The following SLC16A7 variants were observed in gnomAD, a reference collection of about 807,000 sequenced individuals.
SLC16A7 encodes monocarboxylate transporter 2.
A neutral mutation model predicts 34.9 loss-of-function variants in SLC16A7; 33 were observed. The observed-to-expected ratio is 0.94, with a 90% confidence interval of 0.72 to 1.26. The LOEUF is 1.26. Among genes scored for constraint, SLC16A7 ranks in the 50% most tolerant of loss-of-function variants. SLC16A7 has a pLI of 0.00. For missense variants in SLC16A7, 573 were observed against 578.1 expected (o/e 0.99, Z 0.09); for synonymous variants, 201 against 206.6 (o/e 0.97, Z 0.23).
intron 3 of SLC16A7, among the ~76,000 whole-genome samples, chr12:59,741,101 A>G (rs1264944222): frequency 1.3e-5 from 2 of 152,150 alleles, no homozygotes; most frequent in Non-Finnish European, 2.9e-5. Flanking sequence ...GCTCATGGTT[A>G]GGAAGAATCA....
At chr12:59,669,334 T>C (rs962318119) in intron 2 of SLC16A7, among the ~76,000 whole-genome samples, 3 of 152,202 alleles carry the variant, frequency 2.0e-5, no homozygotes, top group African/African-American at 7.2e-5. Context: ...AAGTTTGTTA[T>C]TGGGTCTCTA....
chr12:59,662,798 A>G (rs558159387), intron 2 of SLC16A7, among the ~76,000 whole-genome samples: 1 of 152,262 alleles, frequency 6.6e-6, no homozygotes, highest in East Asian at 1.9e-4. Context: ...TCTATTTGCT[A>G]TGTGTTTTAC....
intron 2 of SLC16A7, among the ~76,000 whole-genome samples, chr12:59,695,489 C>T (rs1469854618): frequency 6.6e-6 from 1 of 151,930 alleles, no homozygotes; most frequent in African/African-American, 2.4e-5. Context: ...ACAAGTTAGA[C>T]CTTTAGTTCC....
intron 1 of SLC16A7, among the ~76,000 whole-genome samples, chr12:59,605,229 T>G (rs1311733982): frequency 6.6e-6 from 1 of 152,176 alleles, no homozygotes; most frequent in African/African-American, 2.4e-5. Flanking sequence ...TAAGGCTTCC[T>G]TACTATTTGA....
At chr12:59,738,759 T>G (rs12816372) in intron 3 of SLC16A7, among the ~76,000 whole-genome samples, 11,815 of 151,724 alleles carry the variant, frequency 0.078, 556 homozygotes, top group Middle Eastern at 0.18. Context: ...AATTTAACAC[T>G]TAGGTACAAA....
chr12:59,608,900 G>T (rs1239678996), intron 1 of SLC16A7, among the ~76,000 whole-genome samples: 1 of 152,114 alleles, frequency 6.6e-6, no homozygotes, highest in Non-Finnish European at 1.5e-5. Flanking sequence ...TATTTTAAAT[G>T]CCTAGAAACC....
chr12:59,778,737 A>C (rs979754850), intron 5 of SLC16A7, among the ~76,000 whole-genome samples: 36 of 152,116 alleles, frequency 2.4e-4, no homozygotes, highest in African/African-American at 8.2e-4. Context: ...GGATTAGCTC[A>C]AATAGTGACA....
chr12:59,616,181 A>G (rs774268387), intron 1 of SLC16A7, among the ~76,000 whole-genome samples: 47 of 152,152 alleles, frequency 3.1e-4, no homozygotes, highest in Non-Finnish European at 5.6e-4. Context: ...ATTGTACAGC[A>G]TTTTTCTTGG....
intron 2 of SLC16A7, among the ~76,000 whole-genome samples, chr12:59,667,718 A>G (rs1869322495): frequency 6.6e-6 from 1 of 152,236 alleles, no homozygotes; most frequent in Admixed American, 6.5e-5. Context: ...CCTAAGTAAC[A>G]AGGAGCCAAA....
At chr12:59,734,636 G>A (rs1218100573) in intron 3 of SLC16A7, among the ~76,000 whole-genome samples, 2 of 152,238 alleles carry the variant, frequency 1.3e-5, no homozygotes, top group East Asian at 1.9e-4. Flanking sequence ...GGCCACACCT[G>A]CCCCACTGCA....
intron 3 of SLC16A7, among the ~76,000 whole-genome samples, chr12:59,720,512 T>A (rs975499121): frequency 9.9e-5 from 15 of 152,088 alleles, no homozygotes; most frequent in African/African-American, 3.6e-4. Flanking sequence ...CTTCTAAATT[T>A]TAGTGATTTT....
At position 59,782,629 on chromosome 12, in the gene SLC16A7, A is replaced by G. The variant is rs1031159093; in HGVS notation, c.*2950A>G. On this transcript the variant is annotated 3_prime_UTR_variant, in exon 6 of 6. Transcript: ENST00000547379. ...TATCCAGATAATTCATGGCTACTTT[A>G]ACTATTTTTTCATTCGTGTTAACTG... 2 of 152,134 alleles carry G rather than the reference A, an allele frequency of 1.3e-5. No individual in the cohort carries two copies. Among genetic ancestry groups the G allele is most frequent in the African/African-American group, 2.4e-5 (1 of 41,458 alleles). The allele number at this position is 152,134 out of a possible 1,614,324, so 9.4% of individuals were successfully genotyped here.
chr12:59,749,098 GA>G (rs532407188), intron 3 of SLC16A7, among the ~76,000 whole-genome samples: 1 of 152,016 alleles, frequency 6.6e-6, no homozygotes. Flanking sequence ...CTAGTTTGGG[GA>G]AAAAAATGCC....
At chr12:59,754,426 T>A (rs11561445) in intron 3 of SLC16A7, among the ~76,000 whole-genome samples, 35,180 of 151,744 alleles carry the variant, frequency 0.23, 4,216 homozygotes, top group East Asian at 0.31. Flanking sequence ...AAAGGGGATA[T>A]CACCACCAAT....
chr12:59,768,729 G>A (rs1376710776), intron 3 of SLC16A7, among the ~76,000 whole-genome samples: 1 of 152,110 alleles, frequency 6.6e-6, no homozygotes, highest in South Asian at 2.1e-4. Context: ...AGGTGCAATG[G>A]CTCACACTTA....
chr12:59,677,133 T>C (rs1006663101), intron 2 of SLC16A7, among the ~76,000 whole-genome samples: 6 of 152,178 alleles, frequency 3.9e-5, no homozygotes, highest in Admixed American at 3.3e-4. Context: ...TATAATGGAA[T>C]CTAGGATGAG....
At chr12:59,636,279 G>A (rs1388318079) in intron 1 of SLC16A7, among the ~76,000 whole-genome samples, 1 of 151,998 alleles carries the variant, frequency 6.6e-6, no homozygotes, top group Non-Finnish European at 1.5e-5. Context: ...AACAATCAAA[G>A]AGGAAAACAT....
At position 59,696,138 on chromosome 12, in the gene SLC16A7, G is replaced by A. The variant is rs527984251; in HGVS notation, c.-30-8634G>A. On this transcript the variant is annotated intron_variant, in intron 2 of 5. Transcript: ENST00000547379. ...AGAATTTTCTTTCTTATAATAATAG[G>A]CTTGTAATCTACTGTTTTTTTCAAC... Among the ~76,000 whole-genome samples the A allele has an allele frequency of 1.4e-3, 210 of 151,352 alleles. 1 individual carries two copies. Among genetic ancestry groups the A allele is most frequent in the Middle Eastern group, 7.0e-3 (2 of 286 alleles).
Position 59,706,652 on chromosome 12 carries a change from G to A in SLC16A7, c.217+1634G>A, listed in dbSNP as rs574259023. Among the ~76,000 whole-genome samples the A allele has an allele frequency of 7.2e-5, 11 of 152,232 alleles. No homozygotes were observed. In the East Asian group the frequency reaches 1.7e-3, roughly 24 times the overall value. On this transcript the variant is annotated intron_variant, in intron 3 of 5. Coordinates refer to ENST00000547379, the MANE Select transcript of SLC16A7 (RefSeq NM_001270623.2). Reference sequence around the variant, plus strand: ...CCATAGAAACAGTAGGTATTGTAGAGTAGATATTCCTGTATCCTGTGGGAC... The same window carrying A: ...CCATAGAAACAGTAGGTATTGTAGAATAGATATTCCTGTATCCTGTGGGAC...
Sources: allele counts gnomAD v4.1 joint callset (sites outside exome capture counted in the v4.1 genomes callset), GRCh38; gene constraint gnomAD v4.1.1; transcripts MANE v1.5; gene names NCBI Gene and HGNC (gene_info 2026-07-23, HGNC 2026-07-21).